Variants in SEMA3F observed in about 807,000 individuals in gnomAD.
The protein encoded by SEMA3F is semaphorin 3F.
A neutral mutation model predicts 98.5 loss-of-function variants in SEMA3F; 30 were observed. That is an observed-to-expected ratio of 0.30 (90% CI 0.23 to 0.41). The LOEUF is 0.41. Ranked by LOEUF, SEMA3F falls within the 10% of genes least tolerant of loss-of-function variation. SEMA3F has a pLI of 1.00. For missense variants in SEMA3F, 866 were observed against 1,119.3 expected (o/e 0.77, Z 3.23); for synonymous variants, 380 against 444.8 (o/e 0.85, Z 1.83).
At chr3:50,176,113 T>A (rs1432449290) in intron 6 of SEMA3F, among the ~76,000 whole-genome samples, 1 of 151,888 alleles carries the variant, frequency 6.6e-6, no homozygotes, top group East Asian at 1.9e-4. Flanking sequence ...CACAGGGGGC[T>A]TTGTGAATTC....
intron 18 of SEMA3F, among the ~76,000 whole-genome samples, chr3:50,187,026 C>T (rs933305194): frequency 6.6e-6 from 1 of 152,136 alleles, no homozygotes; most frequent in Admixed American, 6.5e-5. Context: ...TGAGTGAGCT[C>T]CAGTATGTGG....
rs764010560 is a variant in SEMA3F, at chr3:50,183,513, C to A, written c.1182C>A (p.Asn394Lys). ...NGPFAHKEGP[N>K]YQWMPFSGKM... is the part of the protein sequence containing the mutation. ...CCTTTGCCCACAAAGAGGGGCCCAACTACCAGTGGATGCCCTTCTCAGGGA... is the reference window on the plus strand; with the variant it reads ...CCTTTGCCCACAAAGAGGGGCCCAAATACCAGTGGATGCCCTTCTCAGGGA... The change falls in exon 12 of 19, where the codon AAC becomes AAA. Residue 394 changes from asparagine (N) to lysine (K), a missense_variant. Physicochemically the swap from Asn to Lys is moderately conservative, Grantham distance 94. This residue lies in a region of SEMA3F where 374 missense variants were observed against 582.8 expected (regional missense o/e 0.64). Coordinates refer to ENST00000002829, the MANE Select transcript of SEMA3F (RefSeq NM_004186.5). 1 of 1,614,102 alleles carries A rather than the reference C, an allele frequency of 6.2e-7. No homozygotes were observed. Among genetic ancestry groups the A allele is most frequent in the South Asian group, 1.1e-5 (1 of 91,088 alleles).
At chr3:50,172,793 G>T (rs946107079) in intron 2 of SEMA3F, among the ~76,000 whole-genome samples, 2 of 152,156 alleles carry the variant, frequency 1.3e-5, no homozygotes, top group Non-Finnish European at 2.9e-5. Context: ...CACCAGCTGT[G>T]CCCTCTGCCT....
chr3:50,168,998 T>C (rs116274414), intron 2 of SEMA3F, among the ~76,000 whole-genome samples: 1 of 152,246 alleles, frequency 6.6e-6, no homozygotes, highest in African/African-American at 2.4e-5. Context: ...CAGGGATCTG[T>C]CTATCATCCC....
intron 2 of SEMA3F, among the ~76,000 whole-genome samples, chr3:50,171,827 GCC>G (rs1418891971): frequency 2.0e-4 from 30 of 152,210 alleles, no homozygotes; most frequent in Non-Finnish European, 4.1e-4. Flanking sequence ...GGCGGGTGAG[GCC>G]ATCGCCAGGC....
chr3:50,158,910 C>T lies in SEMA3F; in HGVS notation c.-48-665C>T, dbSNP rs1698097797. 1.3e-5 allele frequency: 2 copies of T among 152,274 alleles called. No homozygotes were observed. Among genetic ancestry groups the T allele is most frequent in the Non-Finnish European group, 2.9e-5 (2 of 68,098 alleles). 9.4% of individuals were successfully genotyped at this position (152,274 alleles called of 1,614,324 possible). A position where few individuals can be genotyped will look rare whatever the true frequency, so the allele number is the denominator to read the frequency against. ...GCTTCCCTTCTTTGCCCTCTAGAGG[C>T]GGAGCTGGAAGTTTTCCCTGGCAGG... On this transcript the variant is annotated intron_variant, in intron 1 of 18. Coordinates refer to ENST00000002829, the MANE Select transcript of SEMA3F (RefSeq NM_004186.5). The surrounding 1 kb of genome is among the most constrained non-coding windows in gnomAD (Gnocchi z 4.8).
In SEMA3F at chr3:50,186,756, T is replaced by C; in HGVS notation, c.1947+10T>C. ...TGACCGGCGCCGAGAGGTGAGTTCC[T>C]GCGCCCGGTGCTGCACCGTGGATGT... is the stretch of plus-strand genomic sequence containing the variant. On this transcript the variant is annotated intron_variant, in intron 18 of 18. Coordinates refer to ENST00000002829, the MANE Select transcript of SEMA3F (RefSeq NM_004186.5). 1 of 1,592,636 alleles carries C rather than the reference T, an allele frequency of 6.3e-7. No individual in the cohort carries two copies. Among genetic ancestry groups the C allele is most frequent in the Non-Finnish European group, 8.6e-7 (1 of 1,164,378 alleles).
chr3:50,155,846 G>C lies in SEMA3F; in HGVS notation c.-49+282G>C. The stretch of plus-strand genomic sequence containing the variant: ...AACTTTTTCCTGCAAGGTTCTGGGT[G>C]GGTGCTCTCATACACCCCCACCTTC... On this transcript the variant is annotated intron_variant, in intron 1 of 18. Transcript: ENST00000002829. The surrounding 1 kb of genome is among the most constrained non-coding windows in gnomAD (Gnocchi z 4.9). The C allele has an allele frequency of 6.2e-6, 1 of 161,904 alleles. No homozygotes were observed. The highest frequency in any genetic ancestry group is 2.4e-5 in the African/African-American group (1 of 41,882). 10.0% of individuals were successfully genotyped at this position (161,904 alleles called of 1,614,324 possible). A position where few individuals can be genotyped will look rare whatever the true frequency, so the allele number is the denominator to read the frequency against.
chr3:50,160,548 C>T (rs1326464314), intron 2 of SEMA3F, among the ~76,000 whole-genome samples: 3 of 152,218 alleles, frequency 2.0e-5, no homozygotes, highest in African/African-American at 4.8e-5. Context: ...GAAGAGTCTC[C>T]CCTGGGCCCA....
In SEMA3F at chr3:50,166,235, G is replaced by A. The variant is rs3774742; in HGVS notation, c.112+6501G>A. ...CCTTGTTCCTTCCCACTTGGGGCTCGGTGCTGATGCCCTCATTTCCCCCGG... is the reference window on the plus strand; with the variant it reads ...CCTTGTTCCTTCCCACTTGGGGCTCAGTGCTGATGCCCTCATTTCCCCCGG... On this transcript the variant is annotated intron_variant, in intron 2 of 18. Transcript: ENST00000002829. This position sits in a 1 kb window ranked among gnomAD's most constrained non-coding sequence, Gnocchi z 4.7. Among the ~76,000 whole-genome samples, 12 of 152,178 alleles carry A rather than the reference G, an allele frequency of 7.9e-5. No homozygotes were observed. The East Asian group carries it at 2.3e-3, about 29-fold the overall frequency.
intron 7 of SEMA3F, among the ~76,000 whole-genome samples, chr3:50,178,040 G>C (rs1197884176): frequency 6.6e-6 from 1 of 152,070 alleles, no homozygotes; most frequent in Admixed American, 6.5e-5. Context: ...TCAGGAGCTC[G>C]AGACCACCCT....
At position 50,187,796 on chromosome 3, in the gene SEMA3F, C is replaced by T. The variant is rs1462860652; in HGVS notation, c.2039C>T (p.Ala680Val). 1 of 1,613,606 alleles carries T rather than the reference C, an allele frequency of 6.2e-7. No individual in the cohort carries two copies. The highest frequency in any genetic ancestry group is 2.2e-5 in the East Asian group (1 of 44,882). ...LSDRGLYSCT[A>V]TENNFKHVVT... ...GATCGTGGCCTCTACTCCTGCACAG[C>T]CACTGAGAACAACTTTAAGCACGTC... is the stretch of plus-strand genomic sequence containing the variant. Residue 680 changes from alanine (A) to valine (V), a missense_variant, in exon 19 of 19, where the codon GCC becomes GTC. Coordinates refer to ENST00000002829, the MANE Select transcript of SEMA3F (RefSeq NM_004186.5).
At chr3:50,178,711 G>C (rs1698907242) in intron 7 of SEMA3F, among the ~76,000 whole-genome samples, 1 of 147,346 alleles carries the variant, frequency 6.8e-6, no homozygotes, top group African/African-American at 2.5e-5. Flanking sequence ...AACTGAGCGA[G>C]ACTCTGGCTC....
rs1198334944 is a variant in SEMA3F, at chr3:50,184,697, C to A, written c.1339C>A (p.Pro447Thr). 6.2e-7 allele frequency: 1 copy of A among 1,614,020 alleles called. No homozygotes were observed. Among genetic ancestry groups the A allele is most frequent in the Non-Finnish European group, 8.5e-7 (1 of 1,179,978 alleles). ...SHPLMYQAVY[P>T]LQRRPLVVRT... is the part of the protein sequence containing the mutation. ...CCCACTCATGTACCAGGCCGTGTAC[C>A]CTCTGCAGCGGCGGCCCCTGGTAGT... Residue 447 changes from proline to threonine, a missense_variant, in exon 13 of 19, where the codon CCT becomes ACT. Pro to Thr is a conservative substitution (Grantham distance 38, BLOSUM62 -1). Around this residue, in one of 3 missense-constraint regions of SEMA3F, gnomAD observed 374 missense variants for 582.8 expected, o/e 0.64. Transcript: ENST00000002829.
rs4688746 is a variant in SEMA3F, at chr3:50,186,941, T to C, written c.1947+195T>C. Among the ~76,000 whole-genome samples, 8,090 of 152,304 alleles carry C rather than the reference T, an allele frequency of 0.053. 1,541 individuals carry two copies. The East Asian group carries it at 0.6, about 11-fold the overall frequency. ...TTGGCCTCATTCTATGGAAAGTGTT[T>C]CTGGGTATGCCTGTTCACATGAAAA... On this transcript the variant is annotated intron_variant, in intron 18 of 18. Transcript: ENST00000002829.
At chr3:50,157,318 T>C (rs905712815) in intron 1 of SEMA3F, among the ~76,000 whole-genome samples, 3 of 151,856 alleles carry the variant, frequency 2.0e-5, no homozygotes, top group African/African-American at 4.8e-5. Context: ...TGTTCAAGCG[T>C]CTCTCCTCCG....
At chr3:50,181,512 C>T (rs148641669) in intron 7 of SEMA3F, among the ~76,000 whole-genome samples, 12,322 of 151,772 alleles carry the variant, frequency 0.081, 620 homozygotes, top group East Asian at 0.12. Flanking sequence ...TTAGTAGAAA[C>T]AGGGTTTCAC....
In SEMA3F at chr3:50,188,062, C is replaced by A. The variant is rs1162874142; in HGVS notation, c.2305C>A (p.Pro769Thr). The stretch of plus-strand genomic sequence containing the variant: ...TCCAGGGGCACCCCGGTCTCCTGAG[C>A]CCCAGGACCAGAAAAAGCCCCGGAA... ...EAPGAPRSPEPQDQKKPRNRR... is the reference protein window; with the variant it reads ...EAPGAPRSPETQDQKKPRNRR... The change falls in exon 19 of 19, where the codon CCC becomes ACC. Residue 769 changes from proline (P) to threonine (T), a missense_variant. Physicochemically the swap from Pro to Thr is conservative, Grantham distance 38. Transcript: ENST00000002829. The surrounding 1 kb of genome is among the most constrained non-coding windows in gnomAD (Gnocchi z 4.5). 3 of 1,571,442 alleles carry A rather than the reference C, an allele frequency of 1.9e-6. No individual in the cohort carries two copies. Among genetic ancestry groups the A allele is most frequent in the Non-Finnish European group, 2.6e-6 (3 of 1,158,214 alleles).
At chr3:50,186,108 T>A in intron 16 of SEMA3F, 62 bp downstream of exon 16, 1 of 1,533,958 alleles carries the variant, frequency 6.5e-7, no homozygotes. Context: ...CCTAGGGGAT[T>A]GGGGGTGCAT....
Sources: gnomAD v4.1 joint callset for allele counts (sites outside exome capture counted in the v4.1 genomes callset) on GRCh38, gnomAD v4.1.1 for gene constraint, gnomAD v4.1.1 regional missense constraint, Gnocchi (gnomAD v3.1) non-coding constraint, MANE v1.5 for transcripts, NCBI Gene and HGNC (gene_info 2026-07-23, HGNC 2026-07-21) for gene names.